Variants in MYLK observed in about 807,000 individuals in gnomAD.
MYLK encodes the protein myosin light chain kinase, also known as myosin light chain kinase, smooth muscle.
In MYLK, 106 loss-of-function variants were observed where a neutral mutation model predicts 203.4. The ratio of observed to expected loss-of-function variants is 0.52; its 90% CI spans 0.45 to 0.61. The LOEUF is 0.61. Among genes scored for constraint, MYLK ranks in the 20% least tolerant of loss-of-function variants. MYLK has a pLI of 0.00. For synonymous variants in MYLK, 867 were observed against 959.5 expected (o/e 0.90, Z 1.78); for missense variants, 2,072 against 2,442.3 (o/e 0.85, Z 3.20).
intron 13 of MYLK, among the ~76,000 whole-genome samples, chr3:123,718,870 G>A (rs113915732): frequency 0.032 from 4,924 of 152,302 alleles, 121 homozygotes; most frequent in Non-Finnish European, 0.046. Context: ...CCTGTCTACT[G>A]CAGTTTCCCC....
At chr3:123,830,547 C>T (rs1349583983) in intron 3 of MYLK, among the ~76,000 whole-genome samples, 1 of 152,118 alleles carries the variant, frequency 6.6e-6, no homozygotes, top group East Asian at 1.9e-4. Flanking sequence ...GGGAAATTAT[C>T]AGTATTATTT....
intron 2 of MYLK, among the ~76,000 whole-genome samples, chr3:123,856,188 A>C (rs934994601): frequency 2.0e-5 from 3 of 152,310 alleles, no homozygotes; most frequent in Non-Finnish European, 4.4e-5. Flanking sequence ...ATGACACTTC[A>C]GTAGTTTTTC....
At chr3:123,692,900 C>T in intron 18 of MYLK, 49 bp from the exon 19 acceptor site, 1 of 1,509,830 alleles carries the variant, frequency 6.6e-7, no homozygotes. Context: ...GTAGTACCTG[C>T]CCTGGCATCT....
rs916371795 is a variant in MYLK, at chr3:123,867,919, C to G, written c.-127+8640G>C. 9.2e-5 allele frequency among the ~76,000 whole-genome samples: 14 copies of G among 152,332 alleles called. 1 individual carries two copies. The highest frequency in any genetic ancestry group is 2.6e-4 in the African/African-American group (11 of 41,580). Reference sequence around the variant, plus strand: ...TACCTGCTGTGTACATGCAAAGACTCCCACAGAGCCCTACAGAAAGTGAGT... The same window carrying G: ...TACCTGCTGTGTACATGCAAAGACTGCCACAGAGCCCTACAGAAAGTGAGT... On this transcript the variant is annotated intron_variant, in intron 2 of 33. Coordinates refer to ENST00000360304, the MANE Select transcript of MYLK (RefSeq NM_053025.4).
At chr3:123,678,969 A>G (rs2060165317) in intron 20 of MYLK, among the ~76,000 whole-genome samples, 1 of 152,220 alleles carries the variant, frequency 6.6e-6, no homozygotes, top group Non-Finnish European at 1.5e-5. Context: ...TAATCAATAA[A>G]CTAACAATTA....
chr3:123,678,494 C>A (rs963351450), intron 20 of MYLK, among the ~76,000 whole-genome samples: 1 of 152,002 alleles, frequency 6.6e-6, no homozygotes, highest in Non-Finnish European at 1.5e-5. Context: ...TGGCTTTTCC[C>A]TCATGCTTGT....
intron 2 of MYLK, among the ~76,000 whole-genome samples, chr3:123,875,756 T>A (rs2033111108): frequency 6.6e-6 from 1 of 152,178 alleles, no homozygotes; most frequent in African/African-American, 2.4e-5. Flanking sequence ...AAAATGCTGA[T>A]CATTTGTCAA....
intron 2 of MYLK, among the ~76,000 whole-genome samples, chr3:123,873,015 T>C (rs941135537): frequency 1.3e-5 from 2 of 152,050 alleles, no homozygotes; most frequent in African/African-American, 4.8e-5. Flanking sequence ...TCAGGTATGG[T>C]TGAAAGGGAC....
chr3:123,768,531 G>A (rs150340459), intron 4 of MYLK, among the ~76,000 whole-genome samples: 2,684 of 152,296 alleles, frequency 0.018, 79 homozygotes, highest in African/African-American at 0.062. Flanking sequence ...GGCCACTGCT[G>A]CTCCTGGCCC....
At chr3:123,620,720 T>G (rs1196746897) in intron 31 of MYLK, 1 of 872,236 alleles carries the variant, frequency 1.1e-6, no homozygotes, top group African/African-American at 1.7e-5. Flanking sequence ...GGGCTATTTC[T>G]CGTAAAACAA....
At position 123,752,265 on chromosome 3, in the gene MYLK, G is replaced by A; in HGVS notation, c.373+66C>T. On this transcript the variant is annotated intron_variant, in intron 5 of 33. Transcript: ENST00000360304. The stretch of plus-strand genomic sequence containing the variant: ...ATCCTTCAAGAGAGGGCTAAGGCAG[G>A]AGCTGCAGGCCTTGGGGTAACTGAG... 7 of 1,527,258 alleles carry A rather than the reference G, an allele frequency of 4.6e-6. No homozygotes were observed. The South Asian group carries it at 5.6e-5, about 12-fold the overall frequency. The allele number at this position is 1,527,258 out of a possible 1,614,324, so 94.6% of individuals were successfully genotyped here. A position where few individuals can be genotyped will look rare whatever the true frequency, so the allele number is the denominator to read the frequency against.
intron 2 of MYLK, among the ~76,000 whole-genome samples, chr3:123,833,486 C>T (rs1189998242): frequency 1.3e-5 from 2 of 150,444 alleles, no homozygotes; most frequent in African/African-American, 4.9e-5. Flanking sequence ...AGAGGAGCCT[C>T]CAAACCTGCT....
At chr3:123,866,675 A>G (rs2032351496) in intron 2 of MYLK, among the ~76,000 whole-genome samples, 1 of 152,130 alleles carries the variant, frequency 6.6e-6, no homozygotes, top group African/African-American at 2.4e-5. Context: ...AAGACCTGGG[A>G]TGGAAAATAC....
chr3:123,677,445 G>A (rs1170970504), intron 20 of MYLK, among the ~76,000 whole-genome samples: 1 of 152,106 alleles, frequency 6.6e-6, no homozygotes, highest in East Asian at 1.9e-4. Flanking sequence ...ACTGATCATA[G>A]TAAGTTGGCA....
At chr3:123,868,703 A>G (rs898876837) in intron 2 of MYLK, among the ~76,000 whole-genome samples, 2 of 152,244 alleles carry the variant, frequency 1.3e-5, no homozygotes, top group African/African-American at 2.4e-5. Flanking sequence ...CATCAACTAC[A>G]AAGTGGGAAC....
chr3:123,771,888 G>A (rs566598082), intron 4 of MYLK, among the ~76,000 whole-genome samples: 1 of 152,232 alleles, frequency 6.6e-6, no homozygotes, highest in South Asian at 2.1e-4. Flanking sequence ...TAGTTGTGGG[G>A]GTACTTGAAG....
At chr3:123,663,066 A>G (rs971966597) in intron 23 of MYLK, among the ~76,000 whole-genome samples, 8 of 152,220 alleles carry the variant, frequency 5.3e-5, no homozygotes, top group African/African-American at 1.9e-4. Flanking sequence ...TGCATGAGGC[A>G]TAGAGTCTAC....
chr3:123,664,403 T>G, intron 22 of MYLK, 145 bp from the exon 23 acceptor site: 2 of 1,021,114 alleles, frequency 2.0e-6, no homozygotes, highest in Non-Finnish European at 1.4e-6. Flanking sequence ...TCTGCCCTTC[T>G]CCCTGAGGCC....
chr3:123,773,351 A>G lies in MYLK; in HGVS notation c.165+20326T>C, dbSNP rs79071978. Among the ~76,000 whole-genome samples, 98 of 152,334 alleles carry G rather than the reference A, an allele frequency of 6.4e-4. No individual in the cohort carries two copies. In the East Asian group the frequency reaches 0.016, roughly 25 times the overall value. ...TCACTGGATGGTGGGATTGTTTTCT[A>G]TACTTTCTGTATGTCAAAACTTTTA... On this transcript the variant is annotated intron_variant, in intron 4 of 33. Coordinates refer to ENST00000360304, the MANE Select transcript of MYLK (RefSeq NM_053025.4).
Sources: allele counts gnomAD v4.1 joint callset (sites outside exome capture counted in the v4.1 genomes callset), GRCh38; gene constraint gnomAD v4.1.1; transcripts MANE v1.5; gene names NCBI Gene and HGNC (gene_info 2026-07-23, HGNC 2026-07-21).